ZC3H7A: variants seen among roughly 807,000 people sequenced by gnomAD.
The protein encoded by ZC3H7A is zinc finger CCCH-type containing 7A.
A neutral mutation model predicts 125.5 loss-of-function variants in ZC3H7A; 44 were observed. The observed-to-expected ratio is 0.35, with a 90% CI of 0.28 to 0.45. The LOEUF (loss-of-function observed/expected upper bound fraction) is 0.45. Ranked by LOEUF, ZC3H7A falls within the 20% of genes least tolerant of loss-of-function variation. The pLI is 1.00. For missense variants in ZC3H7A, 977 were observed against 1,170.7 expected (o/e 0.83, Z 2.41); for synonymous variants, 399 against 391.2 (o/e 1.02, Z -0.23).
chr16:11,775,373 AAAAAAAAAAAAAAG>A (rs1270405742), intron 7 of ZC3H7A, among the ~76,000 whole-genome samples: 3 of 142,824 alleles, frequency 2.1e-5, no homozygotes, highest in African/African-American at 7.6e-5. Flanking sequence ...TCTGTCTTGG[AAAAAAAAAAAAAAG>A]AAAAAAAGAA....
In ZC3H7A at chr16:11,770,889, C is replaced by T; in HGVS notation, c.1002G>A (p.Arg334=). 6.2e-7 allele frequency: 1 copy of T among 1,614,164 alleles called. No homozygotes were observed. Among genetic ancestry groups the T allele is most frequent in the Non-Finnish European group, 8.5e-7 (1 of 1,180,006 alleles). ...CTGAGAAGGAGGGTGGAGGAGCATA[C>T]CTCGCACCAATGGGTAAGGTTCCTA... The part of the protein sequence containing the change: ...SLLGTLPIGA[R]YAPPPSFSEF... The change falls in exon 10 of 23, where the codon AGG becomes AGA. Residue 334 remains arginine (R), a synonymous_variant. Coordinates refer to ENST00000355758, the MANE Select transcript of ZC3H7A (RefSeq NM_014153.4).
Position 11,752,756 on chromosome 16 carries a change from T to C in ZC3H7A, c.2639A>G (p.Lys880Arg). The C allele has an allele frequency of 6.2e-7, 1 of 1,614,214 alleles. No homozygotes were observed. The highest frequency in any genetic ancestry group is 8.5e-7 in the Non-Finnish European group (1 of 1,180,034). Residue 880 changes from lysine to arginine, a missense_variant, in exon 22 of 23, where the codon AAG becomes AGG. Physicochemically the swap from Lys to Arg is conservative, Grantham distance 26. Coordinates refer to ENST00000355758, the MANE Select transcript of ZC3H7A (RefSeq NM_014153.4). ...KQWQGHISSE[K>R]HKEKVFHTED... Reference sequence around the variant, plus strand: ...GGTGTGGAAAACCTTCTCTTTGTGCTTCTCGGAGGAGATGTGGCCCTGCCA... The same window carrying C: ...GGTGTGGAAAACCTTCTCTTTGTGCCTCTCGGAGGAGATGTGGCCCTGCCA...
chr16:11,768,314 C>A lies in ZC3H7A; in HGVS notation c.1360+1G>T. 1 of 1,530,008 alleles carries A rather than the reference C, an allele frequency of 6.5e-7. No individual in the cohort carries two copies. Among genetic ancestry groups the A allele is most frequent in the East Asian group, 2.3e-5 (1 of 43,614 alleles). The allele number at this position is 1,530,008 out of a possible 1,614,324, so 94.8% of individuals were successfully genotyped here. ...TCTCTGCGTGTTTGTTTGGTCCTGA[C>A]CTGATTTTACAAAACAGATCTGGCA... On this transcript the variant is annotated splice_donor_variant, in intron 12 of 22. Coordinates refer to ENST00000355758, the MANE Select transcript of ZC3H7A (RefSeq NM_014153.4). LOFTEE classifies it high-confidence loss of function.
At chr16:11,769,710 CAAA>C (rs529124830) in intron 10 of ZC3H7A, among the ~76,000 whole-genome samples, 2 of 32,556 alleles carry the variant, frequency 6.1e-5, no homozygotes, top group Admixed American at 3.9e-4. Context: ...GACTCTGTCT[CAAA>C]AAAAAAAAAA....
At chr16:11,774,541 A>G in intron 8 of ZC3H7A, 22 bp from the exon 9 acceptor site, 1 of 1,495,626 alleles carries the variant, frequency 6.7e-7, no homozygotes, top group Non-Finnish European at 8.9e-7. Context: ...ATGGAAATGT[A>G]CTCAGTCACT....
chr16:11,777,518 C>T (rs1255291975), intron 4 of ZC3H7A, among the ~76,000 whole-genome samples: 4 of 152,000 alleles, frequency 2.6e-5, no homozygotes, highest in African/African-American at 7.3e-5. Context: ...GTCAGGAGTT[C>T]GAGACCAGCC....
In ZC3H7A at chr16:11,773,268, C is replaced by T. The variant is rs148020308; in HGVS notation, c.903+968G>A. ...AATCAGTGCTCACTGCAGCCTCAAC[C>T]TCCTGGGCGCAAGTGATCCTCTACC... On this transcript the variant is annotated intron_variant, in intron 9 of 22. Coordinates refer to ENST00000355758, the MANE Select transcript of ZC3H7A (RefSeq NM_014153.4). 8.1e-3 allele frequency among the ~76,000 whole-genome samples: 1,228 copies of T among 151,978 alleles called. 41 individuals are homozygous for T. The highest frequency in any genetic ancestry group is 0.028 in the African/African-American group (1,166 of 41,242).
intron 1 of ZC3H7A, 59 bp from the exon 2 acceptor site, chr16:11,782,447 A>G (rs1269039640): frequency 2.9e-6 from 4 of 1,362,918 alleles, no homozygotes. Context: ...ACTCCAATGA[A>G]AACACCCACA....
At chr16:11,796,968 C>G (rs915904080) in intron 1 of ZC3H7A, 156 bp downstream of exon 1, 1 of 147,730 alleles carries the variant, frequency 6.8e-6, no homozygotes, top group Non-Finnish European at 1.5e-5. Context: ...AGGGTCCTCT[C>G]GGGTCCGCGG....
chr16:11,758,645 T>G (rs1223034314), intron 19 of ZC3H7A, 106 bp from the exon 20 acceptor site: 3 of 698,834 alleles, frequency 4.3e-6, no homozygotes, highest in Non-Finnish European at 7.2e-6. Context: ...TAATACTTAG[T>G]AATCAAATTC....
intron 1 of ZC3H7A, among the ~76,000 whole-genome samples, chr16:11,785,188 G>T (rs1450743389): frequency 6.6e-6 from 1 of 151,494 alleles, no homozygotes; most frequent in Admixed American, 6.6e-5. Context: ...AAATAACAAA[G>T]ATTAGCCAGG....
chr16:11,773,992 CATAAT>C (rs1347112564), intron 9 of ZC3H7A, among the ~76,000 whole-genome samples: 13 of 151,922 alleles, frequency 8.6e-5, no homozygotes, highest in Admixed American at 5.9e-4. Context: ...TTGCCCTTTC[CATAAT>C]ATGAGATCCC....
At chr16:11,774,826 A>G (rs1424771285) in intron 8 of ZC3H7A, among the ~76,000 whole-genome samples, 154 bp downstream of exon 8, 3 of 152,230 alleles carry the variant, frequency 2.0e-5, no homozygotes, top group African/African-American at 7.2e-5. Flanking sequence ...CCAAAGGCAC[A>G]AAGGGAGCAT....
intron 1 of ZC3H7A, among the ~76,000 whole-genome samples, chr16:11,785,543 T>TATCA (rs1300168992): frequency 1.3e-5 from 2 of 151,430 alleles, no homozygotes; most frequent in Non-Finnish European, 2.9e-5. Flanking sequence ...ACCCAGTGTC[T>TATCA]ATCAAAAAGG....
intron 1 of ZC3H7A, among the ~76,000 whole-genome samples, chr16:11,791,351 C>T (rs1479523302): frequency 6.6e-6 from 1 of 152,086 alleles, no homozygotes; most frequent in Non-Finnish European, 1.5e-5. Context: ...TTGTTGTTCC[C>T]TCTGCCCAAA....
Position 11,776,750 on chromosome 16 carries a change from C to T in ZC3H7A, c.465+1G>A. The T allele has an allele frequency of 6.3e-7, 1 of 1,599,552 alleles. No homozygotes were observed. The highest frequency in any genetic ancestry group is 8.5e-7 in the Non-Finnish European group (1 of 1,175,952). Reference sequence around the variant, plus strand: ...AAACAAATAAACTATAAATTCCATACCTGAGGCACTGCTAAGGAGCACTTT... The same window carrying T: ...AAACAAATAAACTATAAATTCCATATCTGAGGCACTGCTAAGGAGCACTTT... On this transcript the variant is annotated splice_donor_variant, in intron 5 of 22. Transcript: ENST00000355758. LOFTEE classifies it high-confidence loss of function.
At chr16:11,761,360 TG>T (rs773455574) in intron 19 of ZC3H7A, 45 bp downstream of exon 19, 1 of 1,548,772 alleles carries the variant, frequency 6.5e-7, no homozygotes, top group Non-Finnish European at 8.9e-7. Flanking sequence ...TCTAATGATT[TG>T]AAATGCCTAA....
chr16:11,795,456 A>G (rs965437955), intron 1 of ZC3H7A, among the ~76,000 whole-genome samples: 7 of 152,250 alleles, frequency 4.6e-5, no homozygotes, highest in African/African-American at 1.7e-4. Flanking sequence ...ATGTATGTGG[A>G]GAGGGAGTCT....
intron 21 of ZC3H7A, among the ~76,000 whole-genome samples, chr16:11,755,466 A>G (rs1282729463): frequency 6.6e-6 from 1 of 152,176 alleles, no homozygotes; most frequent in Admixed American, 6.6e-5. Context: ...CAGTTAACAG[A>G]CCACTGGTAA....
Sources: gnomAD v4.1 joint callset for allele counts (sites outside exome capture counted in the v4.1 genomes callset) on GRCh38, gnomAD v4.1.1 for gene constraint, MANE v1.5 for transcripts, NCBI Gene and HGNC (gene_info 2026-07-23, HGNC 2026-07-21) for gene names.